KCTD1: variants seen among roughly 807,000 people sequenced by gnomAD.
KCTD1 encodes the protein BTB/POZ domain-containing protein KCTD1.
KCTD1 carries 24 observed loss-of-function variants against 66.0 expected under a neutral mutation model. The ratio of observed to expected loss-of-function variants is 0.36; its 90% CI spans 0.26 to 0.51. The LOEUF (loss-of-function observed/expected upper bound fraction) is 0.51, where lower values mean the gene tolerates loss of function less well. Among genes scored for constraint, KCTD1 ranks in the 20% least tolerant of loss-of-function variants. The probability of loss-of-function intolerance (pLI) is 0.95; values close to 1 mark genes in which losing one functional copy is unlikely to be tolerated. For synonymous variants in KCTD1, 511 were observed against 517.2 expected (o/e 0.99, Z 0.16); for missense variants, 943 against 1,205.2 (o/e 0.78, Z 3.22).
At chr18:26,596,331 A>C (rs1568004682) in intron 1 of KCTD1, among the ~76,000 whole-genome samples, 1 of 152,160 alleles carries the variant, frequency 6.6e-6, no homozygotes, top group African/African-American at 2.4e-5. Context: ...CACAGTAAAA[A>C]AAGGTGATCA....
At chr18:26,489,392 C>T (rs1266954201) in intron 2 of KCTD1, among the ~76,000 whole-genome samples, 1 of 152,166 alleles carries the variant, frequency 6.6e-6, no homozygotes, top group Non-Finnish European at 1.5e-5. Flanking sequence ...AGATATCTTT[C>T]AGAGGGACTT....
At chr18:26,618,842 T>C (rs1456033661) in intron 1 of KCTD1, among the ~76,000 whole-genome samples, 2 of 152,232 alleles carry the variant, frequency 1.3e-5, no homozygotes, top group African/African-American at 2.4e-5. Context: ...AAACTATGCG[T>C]AGATGAACTG....
At chr18:26,523,692 A>G (rs748292575) in intron 1 of KCTD1, among the ~76,000 whole-genome samples, 1 of 152,250 alleles carries the variant, frequency 6.6e-6, no homozygotes, top group Non-Finnish European at 1.5e-5. Context: ...CACCTAAGGT[A>G]AGCCTTGTGT....
intron 1 of KCTD1, chr18:26,629,033 G>C (rs1987562851): frequency 3.7e-6 from 1 of 272,412 alleles, no homozygotes; most frequent in Non-Finnish European, 5.6e-6. Context: ...GTCTCAGGGA[G>C]TTTAAGTGGG....
intron 1 of KCTD1, among the ~76,000 whole-genome samples, chr18:26,649,487 G>C (rs757373621): frequency 2.6e-5 from 4 of 152,054 alleles, no homozygotes; most frequent in Non-Finnish European, 5.9e-5. Context: ...TTTCGGTGAA[G>C]GAGCAAAGAC....
chr18:26,552,713 C>T (rs1985605600), upstream of KCTD1, among the ~76,000 whole-genome samples: 1 of 152,108 alleles, frequency 6.6e-6, no homozygotes, highest in Non-Finnish European at 1.5e-5. Context: ...AATGTTGCCC[C>T]TTCTGAAGGC....
At chr18:26,537,700 C>T (rs1398983703) in intron 1 of KCTD1, among the ~76,000 whole-genome samples, 1 of 152,218 alleles carries the variant, frequency 6.6e-6, no homozygotes, top group Non-Finnish European at 1.5e-5. Flanking sequence ...ATAGACCCTA[C>T]TTCTAGAATA....
chr18:26,603,749 A>G lies in KCTD1; in HGVS notation c.-16+25398T>C, dbSNP rs1476660615. On this transcript the variant is annotated intron_variant, in intron 1 of 4. Transcript: ENST00000317932. Reference sequence around the variant, plus strand: ...CAGAGTGAGACTGTGTCTCAAAAAAATAAAATAAATAAATAAATAAATAAA... The same window carrying G: ...CAGAGTGAGACTGTGTCTCAAAAAAGTAAAATAAATAAATAAATAAATAAA... Among the ~76,000 whole-genome samples the G allele has an allele frequency of 3.8e-5, 4 of 104,934 alleles. No individual in the cohort carries two copies. The East Asian group carries it at 1.3e-3, about 33-fold the overall frequency. The allele number at this position is 104,934 out of a possible 152,430, so 68.8% of individuals were successfully genotyped here. A position where few individuals can be genotyped will look rare whatever the true frequency, so the allele number is the denominator to read the frequency against.
intron 1 of KCTD1, among the ~76,000 whole-genome samples, chr18:26,600,571 G>T (rs908962125): frequency 2.0e-5 from 3 of 152,052 alleles, no homozygotes; most frequent in African/African-American, 7.2e-5. Flanking sequence ...AGCACGGGAT[G>T]GGTTTCTTCA....
chr18:26,560,524 ATGGGGACT>A (rs1985822509), intron 1 of KCTD1, among the ~76,000 whole-genome samples: 1 of 152,184 alleles, frequency 6.6e-6, no homozygotes, highest in Admixed American at 6.5e-5. Context: ...TGGCCTGGGC[ATGGGGACT>A]TTTCAAAGTC....
At chr18:26,621,039 TA>T (rs1987372025) in intron 1 of KCTD1, among the ~76,000 whole-genome samples, 2 of 151,678 alleles carry the variant, frequency 1.3e-5, no homozygotes, top group African/African-American at 4.8e-5. Context: ...TTCACCGTGT[TA>T]GCCAGGATGG....
chr18:26,479,267 G>A (rs1480237036), intron 2 of KCTD1, among the ~76,000 whole-genome samples: 1 of 152,184 alleles, frequency 6.6e-6, no homozygotes, highest in African/African-American at 2.4e-5. Context: ...AAGACCAGAG[G>A]AGACGAAAAG....
chr18:26,615,886 G>A (rs9675720), intron 1 of KCTD1, among the ~76,000 whole-genome samples: 12,907 of 152,084 alleles, frequency 0.085, 590 homozygotes, highest in African/African-American at 0.12. Context: ...TGCCTCCTAG[G>A]TTCAAGTGAT....
exon 1 of KCTD1, chr18:26,629,237 G>A (rs1987567243): frequency 1.0e-6 from 1 of 984,960 alleles, no homozygotes; most frequent in Non-Finnish European, 1.2e-6. Context: ...AGTGACGGGA[G>A]CTGTAAAAGG....
At chr18:26,504,456 C>T (rs1194355345) in intron 1 of KCTD1, among the ~76,000 whole-genome samples, 4 of 152,148 alleles carry the variant, frequency 2.6e-5, no homozygotes, top group Admixed American at 6.5e-5. Flanking sequence ...GTCTTGAACT[C>T]GTGAGCTCAA....
intron 1 of KCTD1, among the ~76,000 whole-genome samples, chr18:26,508,709 T>TTCTC (rs201752316): frequency 0.036 from 2,613 of 72,950 alleles, 48 homozygotes; most frequent in African/African-American, 0.072. Context: ...TTAAATATAT[T>TTCTC]TCTCTCTCTC....
Position 26,635,018 on chromosome 18 carries a change from T to C in KCTD1, c.-107+5293A>G, listed in dbSNP as rs142166645. On this transcript the variant is annotated intron_variant, in intron 1 of 5. Transcript: ENST00000579973. ...ATAAAATTAATGATAAAAATCCACA[T>C]TGAACAAAAACATCAAAAATTTTAA... is the stretch of plus-strand genomic sequence containing the variant. Among the ~76,000 whole-genome samples, 1,463 of 152,350 alleles carry C rather than the reference T, an allele frequency of 9.6e-3. 16 individuals are homozygous for C. Among genetic ancestry groups the C allele is most frequent in the South Asian group, 0.026 (124 of 4,832 alleles).
chr18:26,513,147 G>C (rs1983431930), intron 1 of KCTD1, among the ~76,000 whole-genome samples: 1 of 148,592 alleles, frequency 6.7e-6, no homozygotes, highest in South Asian at 2.1e-4. Context: ...GAGTGCAATG[G>C]CGCCATCTCG....
chr18:26,548,691 C>G (rs1269070054), upstream of KCTD1: 445 of 935,608 alleles, frequency 4.8e-4, 1 homozygote, highest in Non-Finnish European at 5.5e-4. Context: ...AGCGCAGCTC[C>G]GGAGGGGCAG....
Sources: gnomAD v4.1 joint callset for allele counts (sites outside exome capture counted in the v4.1 genomes callset) on GRCh38, gnomAD v4.1.1 for gene constraint, MANE v1.5 for transcripts, NCBI Gene and HGNC (gene_info 2026-07-23, HGNC 2026-07-21) for gene names.